Variants in CSMD1 observed in about 807,000 individuals in gnomAD.
The protein encoded by CSMD1 is CUB and Sushi multiple domains 1, also known as CUB and sushi domain-containing protein 1.
In CSMD1, 213 loss-of-function variants were observed where a neutral mutation model predicts 417.5. The ratio of observed to expected loss-of-function variants is 0.51; its 90% CI spans 0.46 to 0.57. The LOEUF is 0.57. Ranked by LOEUF, CSMD1 falls within the 20% of genes least tolerant of loss-of-function variation. CSMD1 has a pLI of 0.00. For synonymous variants in CSMD1, 2,862 were observed against 1,736.8 expected (o/e 1.65, Z -16.11); for missense variants, 6,923 against 4,529.7 (o/e 1.53, Z -15.17).
At position 3,407,956 on chromosome 8, in the gene CSMD1, A is replaced by G. The variant is rs914477280; in HGVS notation, c.2014T>C (p.Leu672=). 8 of 1,613,536 alleles carry G rather than the reference A, an allele frequency of 5.0e-6. No homozygotes were observed. Among genetic ancestry groups the G allele is most frequent in the African/African-American group, 2.7e-5 (2 of 74,906 alleles). ...QLASSGHIVR[L]EFQSDHSTTG... ...GTGGAATGGTCAGACTGAAATTCCA[A>G]GCGAACTATATGCCCACTGCTGGCC... The change falls in exon 14 of 70, where the codon TTG becomes CTG. Residue 672 remains leucine (L), a synonymous_variant. Transcript: ENST00000635120.
At chr8:3,256,928 A>G (rs564655497) in intron 26 of CSMD1, among the ~76,000 whole-genome samples, 1 of 152,392 alleles carries the variant, frequency 6.6e-6, no homozygotes, top group East Asian at 1.9e-4. Flanking sequence ...TTAACTAACA[A>G]AATTTTACAT....
intron 1 of CSMD1, among the ~76,000 whole-genome samples, chr8:4,814,182 T>C (rs925603656): frequency 4.6e-5 from 7 of 152,042 alleles, no homozygotes; most frequent in African/African-American, 1.2e-4. Context: ...GTTTCTTCCA[T>C]CTTCAGAATG....
intron 7 of CSMD1, among the ~76,000 whole-genome samples, chr8:3,679,134 C>A (rs1585063360): frequency 6.6e-6 from 1 of 152,050 alleles, no homozygotes; most frequent in African/African-American, 2.4e-5. Context: ...AACTAATGAG[C>A]ACAATAACCA....
Position 3,351,504 on chromosome 8 carries a change from C to T in CSMD1, c.3305-3343G>A, listed in dbSNP as rs185385063. Among the ~76,000 whole-genome samples, 375 of 150,748 alleles carry T rather than the reference C, an allele frequency of 2.5e-3. 2 individuals carry two copies. The highest frequency in any genetic ancestry group is 8.5e-3 in the African/African-American group (350 of 41,120). ...CACATGCCTGTAATCCCAGCTACTT[C>T]GGAGGCTGCTTGAACCCAGGAAGCA... On this transcript the variant is annotated intron_variant, in intron 21 of 69. Coordinates refer to ENST00000635120, the MANE Select transcript of CSMD1 (RefSeq NM_033225.6).
At chr8:4,829,214 T>C (rs1800001451) in intron 1 of CSMD1, among the ~76,000 whole-genome samples, 1 of 152,210 alleles carries the variant, frequency 6.6e-6, no homozygotes, top group Non-Finnish European at 1.5e-5. Flanking sequence ...ACTGCTCAAG[T>C]TGTTTAGATG....
At chr8:4,727,297 T>G (rs1809523915) in intron 1 of CSMD1, among the ~76,000 whole-genome samples, 1 of 152,134 alleles carries the variant, frequency 6.6e-6, no homozygotes, top group Non-Finnish European at 1.5e-5. Flanking sequence ...TAACAATAAT[T>G]AAGTAATTTA....
chr8:3,838,416 A>T (rs1394673115), intron 5 of CSMD1, among the ~76,000 whole-genome samples: 1 of 150,256 alleles, frequency 6.7e-6, no homozygotes, highest in Non-Finnish European at 1.5e-5. Context: ...ATAGAGAGAG[A>T]CTATATATAG....
intron 5 of CSMD1, among the ~76,000 whole-genome samples, chr8:3,970,750 T>C (rs1813024203): frequency 6.6e-6 from 1 of 152,094 alleles, no homozygotes. Flanking sequence ...ATCTTGTTTT[T>C]TGTTTTTTTG....
chr8:4,089,854 G>A (rs1800624775), intron 3 of CSMD1, among the ~76,000 whole-genome samples: 1 of 152,116 alleles, frequency 6.6e-6, no homozygotes, highest in Non-Finnish European at 1.5e-5. Context: ...GAATGGTGGT[G>A]GGATCTCACC....
In CSMD1 at chr8:3,671,691, G is replaced by C. The variant is rs73183305; in HGVS notation, c.1009+36723C>G. Reference sequence around the variant, plus strand: ...CTTTAAGGTGCTGTGAGCTCCTTGGGAGCCTCTTCATCTTATTCGTGTTGC... The same window carrying C: ...CTTTAAGGTGCTGTGAGCTCCTTGGCAGCCTCTTCATCTTATTCGTGTTGC... On this transcript the variant is annotated intron_variant, in intron 7 of 69. Coordinates refer to ENST00000635120, the MANE Select transcript of CSMD1 (RefSeq NM_033225.6). Among the ~76,000 whole-genome samples the C allele has an allele frequency of 5.3e-5, 8 of 150,116 alleles. No homozygotes were observed. The South Asian group carries it at 8.4e-4, about 16-fold the overall frequency.
chr8:4,891,050 G>C (rs1464402665), intron 1 of CSMD1, among the ~76,000 whole-genome samples: 1 of 152,062 alleles, frequency 6.6e-6, no homozygotes, highest in African/African-American at 2.4e-5. Flanking sequence ...TTCATTACAT[G>C]CCCAAATTAA....
At chr8:3,980,970 T>A (rs1341116931) in intron 5 of CSMD1, among the ~76,000 whole-genome samples, 2 of 152,164 alleles carry the variant, frequency 1.3e-5, no homozygotes, top group African/African-American at 4.8e-5. Context: ...GGGGCCCTGC[T>A]CACCTTTCCC....
At chr8:3,072,292 A>G (rs1164882030) in intron 49 of CSMD1, among the ~76,000 whole-genome samples, 4 of 152,212 alleles carry the variant, frequency 2.6e-5, no homozygotes, top group Admixed American at 2.6e-4. Context: ...GGAGTATGGA[A>G]CCGAAGAATA....
chr8:3,384,160 C>T (rs1810818162), intron 18 of CSMD1, among the ~76,000 whole-genome samples: 1 of 152,050 alleles, frequency 6.6e-6, no homozygotes, highest in African/African-American at 2.4e-5. Context: ...ATGCATTGAG[C>T]TACACACTTA....
intron 1 of CSMD1, among the ~76,000 whole-genome samples, chr8:4,884,879 C>A (rs527812245): frequency 6.6e-6 from 1 of 152,118 alleles, no homozygotes; most frequent in Admixed American, 6.5e-5. Context: ...ATTTTAGGGT[C>A]AGCTTATCAA....
chr8:4,064,647 A>G (rs1479305057), intron 3 of CSMD1, among the ~76,000 whole-genome samples: 5 of 152,228 alleles, frequency 3.3e-5, no homozygotes, highest in Non-Finnish European at 7.4e-5. Flanking sequence ...CATGGTTTCT[A>G]TGGCAGGTAC....
intron 69 of CSMD1, among the ~76,000 whole-genome samples, 176 bp downstream of exon 69, chr8:2,942,296 T>C (rs953515904): frequency 1.3e-5 from 2 of 151,462 alleles, no homozygotes; most frequent in Admixed American, 6.6e-5. Context: ...GTAACAAACC[T>C]GCACATCCGG....
At chr8:4,583,739 A>G (rs1799563225) in intron 2 of CSMD1, among the ~76,000 whole-genome samples, 2 of 149,356 alleles carry the variant, frequency 1.3e-5, no homozygotes, top group African/African-American at 5.1e-5. Context: ...CCCTGTCAAA[A>G]CAGACCACTG....
chr8:3,758,963 C>A (rs1797834527), intron 5 of CSMD1, among the ~76,000 whole-genome samples: 1 of 152,188 alleles, frequency 6.6e-6, no homozygotes, highest in African/African-American at 2.4e-5. Flanking sequence ...GCATTGAGGG[C>A]TTCACCCTCT....
Sources: gnomAD v4.1 joint callset for allele counts (sites outside exome capture counted in the v4.1 genomes callset) on GRCh38, gnomAD v4.1.1 for gene constraint, MANE v1.5 for transcripts, NCBI Gene and HGNC (gene_info 2026-07-23, HGNC 2026-07-21) for gene names.